GRIN2B: variants seen among roughly 807,000 people sequenced by gnomAD.
The protein encoded by GRIN2B is glutamate ionotropic receptor NMDA type subunit 2B, also known as glutamate receptor ionotropic, NMDA 2B.
In GRIN2B, 5 loss-of-function variants were observed where a neutral mutation model predicts 114.5. That is an observed-to-expected ratio of 0.04 (90% CI 0.02 to 0.09). GRIN2B has a LOEUF of 0.09. Among genes scored for constraint, GRIN2B ranks in the 10% least tolerant of loss-of-function variants. The pLI, the probability that GRIN2B is intolerant of heterozygous loss-of-function variation, is 1.00. For synonymous variants in GRIN2B, 787 were observed against 745.1 expected, an observed-to-expected ratio of 1.06 and a Z score of -0.92; for missense variants, 1,108 against 1,943.5, an observed-to-expected ratio of 0.57 and a Z score of 8.08.
At chr12:13,825,493 A>ATATATTTTTTTTTTT (rs1555144006) in intron 3 of GRIN2B, among the ~76,000 whole-genome samples, 1 of 28,132 alleles carries the variant, frequency 3.6e-5, no homozygotes, top group African/African-American at 1.1e-4. Context: ...ATATATATAT[A>ATATATTTTTTTTTTT]TTTTGTGTGT....
intron 4 of GRIN2B, among the ~76,000 whole-genome samples, chr12:13,748,579 C>G (rs113412861): frequency 6.6e-6 from 1 of 152,160 alleles, no homozygotes; most frequent in East Asian, 1.9e-4. Flanking sequence ...CGTTTTTAGA[C>G]TTTTCTCAGG....
intron 2 of GRIN2B, among the ~76,000 whole-genome samples, chr12:13,882,527 T>C (rs1394459712): frequency 6.6e-6 from 1 of 152,174 alleles, no homozygotes; most frequent in African/African-American, 2.4e-5. Flanking sequence ...CTTAAGCACA[T>C]CATTTAGCCT....
intron 3 of GRIN2B, among the ~76,000 whole-genome samples, chr12:13,830,591 T>G (rs1464806237): frequency 6.6e-6 from 1 of 152,180 alleles, no homozygotes; most frequent in African/African-American, 2.4e-5. Context: ...GAAGGCCAAA[T>G]GTATCTGTGT....
At chr12:13,883,191 G>T (rs1329102283) in intron 2 of GRIN2B, among the ~76,000 whole-genome samples, 1 of 152,194 alleles carries the variant, frequency 6.6e-6, no homozygotes, top group Non-Finnish European at 1.5e-5. Context: ...CACTTTTGGT[G>T]ATCATGAATA....
At chr12:13,967,109 C>G (rs887453911) in intron 2 of GRIN2B, among the ~76,000 whole-genome samples, 2 of 152,204 alleles carry the variant, frequency 1.3e-5, no homozygotes, top group Non-Finnish European at 2.9e-5. Context: ...TTCTGCATAA[C>G]TCAACAATTA....
intron 2 of GRIN2B, among the ~76,000 whole-genome samples, chr12:13,902,254 A>C (rs1214696651): frequency 1.2e-4 from 18 of 152,260 alleles, no homozygotes; most frequent in Admixed American, 4.6e-4. Flanking sequence ...TTTACAATCT[A>C]TTTGTTAAAT....
intron 10 of GRIN2B, among the ~76,000 whole-genome samples, chr12:13,594,787 G>A (rs1949052415): frequency 6.6e-6 from 1 of 152,096 alleles, no homozygotes; most frequent in Non-Finnish European, 1.5e-5. Flanking sequence ...CTTGGAGCAT[G>A]GGTGTATTGG....
chr12:13,574,206 G>A (rs1159325160), intron 10 of GRIN2B, among the ~76,000 whole-genome samples: 1 of 152,170 alleles, frequency 6.6e-6, no homozygotes, highest in Non-Finnish European at 1.5e-5. Context: ...ACTCCTCACT[G>A]TCTCCAGCAG....
chr12:13,933,506 C>T (rs1867076225), intron 2 of GRIN2B, among the ~76,000 whole-genome samples: 1 of 152,182 alleles, frequency 6.6e-6, no homozygotes, highest in South Asian at 2.1e-4. Context: ...CTTACACTTA[C>T]AGTTCTGTTC....
intron 2 of GRIN2B, among the ~76,000 whole-genome samples, chr12:13,899,586 A>G (rs1346694399): frequency 6.9e-6 from 1 of 143,892 alleles, no homozygotes; most frequent in African/African-American, 2.4e-5. Context: ...GAACACATTA[A>G]CATTAAATCT....
At chr12:13,569,265 C>A (rs923479896) in intron 12 of GRIN2B, among the ~76,000 whole-genome samples, 10 of 152,110 alleles carry the variant, frequency 6.6e-5, no homozygotes, top group African/African-American at 1.9e-4. Flanking sequence ...GTCCTAACCC[C>A]CAATACCTTG....
intron 4 of GRIN2B, among the ~76,000 whole-genome samples, chr12:13,726,248 A>G (rs1862982345): frequency 6.6e-6 from 1 of 152,048 alleles, no homozygotes; most frequent in African/African-American, 2.4e-5. Flanking sequence ...TAATTAAAAA[A>G]AAATTGTCGG....
intron 4 of GRIN2B, among the ~76,000 whole-genome samples, chr12:13,734,034 G>GGT (rs750245173): frequency 1.4e-4 from 22 of 152,110 alleles, no homozygotes; most frequent in Non-Finnish European, 2.5e-4. Flanking sequence ...AAAAGAGAAG[G>GGT]GTCTGCCTAG....
rs114187902 is a variant in GRIN2B at position 13,946,917 on chromosome 12, T to C, written c.-19+33011A>G. Among the ~76,000 whole-genome samples the C allele has an allele frequency of 6.8e-3, 1,031 of 152,308 alleles. 16 individuals are homozygous for C. Among genetic ancestry groups the C allele is most frequent in the African/African-American group, 0.023 (958 of 41,566 alleles). On this transcript the variant is annotated intron_variant, in intron 2 of 13. Coordinates refer to ENST00000609686, the MANE Select transcript of GRIN2B (RefSeq NM_000834.5). Reference sequence around the variant, plus strand: ...AAATATTTCCAATTATCCCTTTATGTGACCCTTAGAAGTGTTTTCACCTTT... The same window carrying C: ...AAATATTTCCAATTATCCCTTTATGCGACCCTTAGAAGTGTTTTCACCTTT...
rs945142049 is a variant in GRIN2B, at chr12:13,682,141, T to C, written c.1011-6282A>G. Among the ~76,000 whole-genome samples the C allele has an allele frequency of 2.6e-5, 4 of 152,308 alleles. No individual in the cohort carries two copies. The East Asian group carries it at 5.8e-4, about 22-fold the overall frequency. ...GAATTTTTCCCAGCTAAGAAATTCA[T>C]AATTATCAAAATAAATCCAAAATGA... On this transcript the variant is annotated intron_variant, in intron 4 of 13. Transcript: ENST00000609686.
At chr12:13,975,103 CA>C (rs1157397121) in intron 2 of GRIN2B, among the ~76,000 whole-genome samples, 2 of 152,012 alleles carry the variant, frequency 1.3e-5, no homozygotes, top group Non-Finnish European at 2.9e-5. Context: ...AAAAACAAAA[CA>C]AAAAAAGAAG....
At chr12:13,651,418 G>A (rs1949811038) in intron 5 of GRIN2B, among the ~76,000 whole-genome samples, 1 of 152,080 alleles carries the variant, frequency 6.6e-6, no homozygotes, top group African/African-American at 2.4e-5. Flanking sequence ...TTTGGGAAAA[G>A]AAACAGAGAT....
rs1207619104 is a variant in GRIN2B, at chr12:13,569,843, C to T, written c.2346G>A (p.Gln782=). 6.2e-7 allele frequency: 1 copy of T among 1,603,160 alleles called. No individual in the cohort carries two copies. Among genetic ancestry groups the T allele is most frequent in the Non-Finnish European group, 8.5e-7 (1 of 1,173,130 alleles). ...TCTTGAACTCACCATCTCCAAAGAG[C>T]TGCAGGATAGCAAGGTCCACCTGGC... ...WKRQVDLAIL[Q]LFGDGEMEEL... is the part of the protein sequence containing the mutation. The change falls in exon 12 of 14, where the codon CAG becomes CAA. Residue 782 remains glutamine (Q), a synonymous_variant. Coordinates refer to ENST00000609686, the MANE Select transcript of GRIN2B (RefSeq NM_000834.5).
intron 3 of GRIN2B, among the ~76,000 whole-genome samples, chr12:13,830,565 A>AC (rs1381865201): frequency 6.6e-6 from 1 of 152,214 alleles, no homozygotes; most frequent in African/African-American, 2.4e-5. Context: ...CTTATCTTTA[A>AC]AAGATCTTAT....
Sources: allele counts gnomAD v4.1 joint callset (sites outside exome capture counted in the v4.1 genomes callset), GRCh38; gene constraint gnomAD v4.1.1; transcripts MANE v1.5; gene names NCBI Gene and HGNC (gene_info 2026-07-23, HGNC 2026-07-21).